MACROD2: variants seen among roughly 807,000 people sequenced by gnomAD.
The protein encoded by MACROD2 is ADP-ribose glycohydrolase MACROD2.
In MACROD2, 36 loss-of-function variants were observed where a neutral mutation model predicts 70.4. That is an observed-to-expected ratio of 0.51 (90% confidence interval 0.39 to 0.68). The LOEUF is 0.68. Ranked by LOEUF, MACROD2 falls within the 30% of genes least tolerant of loss-of-function variation. MACROD2 has a pLI of 0.00. For synonymous variants in MACROD2, 172 were observed against 178.8 expected, an observed-to-expected ratio of 0.96 and a Z score of 0.30; for missense variants, 496 against 538.4, an observed-to-expected ratio of 0.92 and a Z score of 0.78.
At chr20:14,880,507 G>A (rs901471172) in intron 5 of MACROD2, among the ~76,000 whole-genome samples, 3 of 152,162 alleles carry the variant, frequency 2.0e-5, no homozygotes, top group African/African-American at 7.2e-5. Flanking sequence ...GAACTTAAGA[G>A]AGATGAACTG....
intron 4 of MACROD2, among the ~76,000 whole-genome samples, chr20:14,617,976 T>A (rs747887761): frequency 1.3e-5 from 2 of 150,962 alleles, no homozygotes; most frequent in Non-Finnish European, 3.0e-5. Context: ...GTTTCTTCAA[T>A]CTCTCTTCTT....
chr20:15,737,498 A>G (rs2051039760), intron 8 of MACROD2, among the ~76,000 whole-genome samples: 1 of 152,222 alleles, frequency 6.6e-6, no homozygotes, highest in Non-Finnish European at 1.5e-5. Context: ...GGGAAACACC[A>G]ACAAAGTCCC....
intron 5 of MACROD2, among the ~76,000 whole-genome samples, chr20:14,807,816 A>G (rs2072657929): frequency 6.6e-6 from 1 of 152,264 alleles, no homozygotes. Context: ...CAATAGCTGA[A>G]TCAATAAAGC....
intron 6 of MACROD2, among the ~76,000 whole-genome samples, chr20:15,290,608 G>A (rs1488082282): frequency 6.6e-6 from 1 of 152,194 alleles, no homozygotes; most frequent in African/African-American, 2.4e-5. Flanking sequence ...CCATTAAAAT[G>A]AAGGTATTGA....
At chr20:15,988,094 G>A (rs1233706913) in intron 15 of MACROD2, among the ~76,000 whole-genome samples, 1 of 152,114 alleles carries the variant, frequency 6.6e-6, no homozygotes, top group East Asian at 1.9e-4. Flanking sequence ...CAGGGGCATT[G>A]ACAGTTTAAT....
At chr20:15,862,353 A>C (rs1279807382) in intron 8 of MACROD2, among the ~76,000 whole-genome samples, 1 of 152,224 alleles carries the variant, frequency 6.6e-6, no homozygotes, top group Admixed American at 6.5e-5. Context: ...CTCTTTGTTT[A>C]CTGACATACT....
At chr20:14,747,214 C>T (rs956317125) in intron 5 of MACROD2, among the ~76,000 whole-genome samples, 7 of 152,112 alleles carry the variant, frequency 4.6e-5, no homozygotes, top group African/African-American at 1.7e-4. Context: ...TGTCTTCATT[C>T]CTCCAACCTC....
chr20:15,299,325 T>C (rs2077620530), intron 6 of MACROD2, among the ~76,000 whole-genome samples: 1 of 152,228 alleles, frequency 6.6e-6, no homozygotes, highest in Non-Finnish European at 1.5e-5. Flanking sequence ...TAAAATCTCT[T>C]AAGCAGAGAA....
At chr20:15,172,384 G>A (rs947746775) in intron 5 of MACROD2, among the ~76,000 whole-genome samples, 1 of 152,088 alleles carries the variant, frequency 6.6e-6, no homozygotes, top group African/African-American at 2.4e-5. Context: ...TATAAAATTG[G>A]TAAATATTTC....
At chr20:14,869,742 A>AT (rs1280406353) in intron 5 of MACROD2, among the ~76,000 whole-genome samples, 1 of 152,184 alleles carries the variant, frequency 6.6e-6, no homozygotes, top group Non-Finnish European at 1.5e-5. Context: ...AGTATCTGCC[A>AT]TTTGCATAAA....
chr20:15,219,194 G>T (rs965724146), intron 5 of MACROD2, among the ~76,000 whole-genome samples: 3 of 152,342 alleles, frequency 2.0e-5, no homozygotes, highest in East Asian at 1.9e-4. Flanking sequence ...TAATGATGTT[G>T]CATTGGAAAA....
chr20:14,108,454 G>A, intron 3 of MACROD2, among the ~76,000 whole-genome samples: 2 of 144,404 alleles, frequency 1.4e-5, no homozygotes, highest in African/African-American at 2.6e-5. Flanking sequence ...CCAATCAAAA[G>A]ACATAAAGTG....
At chr20:15,017,517 G>A (rs1309742804) in intron 5 of MACROD2, among the ~76,000 whole-genome samples, 3 of 152,112 alleles carry the variant, frequency 2.0e-5, no homozygotes, top group East Asian at 1.9e-4. Flanking sequence ...TCTGGAGGAC[G>A]GTGGTCCTCT....
intron 5 of MACROD2, among the ~76,000 whole-genome samples, chr20:14,972,528 G>A (rs2074701237): frequency 6.6e-6 from 1 of 152,088 alleles, no homozygotes; most frequent in Admixed American, 6.6e-5. Flanking sequence ...TGCTACATAA[G>A]TCTTTATTTA....
At chr20:14,229,187 C>G (rs2081776484) in intron 3 of MACROD2, among the ~76,000 whole-genome samples, 2 of 151,944 alleles carry the variant, frequency 1.3e-5, no homozygotes, top group African/African-American at 2.4e-5. Context: ...AGATACAACA[C>G]CAAAAACACT....
rs1254152435 is a variant in MACROD2, at chr20:14,125,601, T to C, written c.271+39873T>C. Among the ~76,000 whole-genome samples the C allele has an allele frequency of 6.6e-5, 10 of 152,200 alleles. No individual in the cohort carries two copies. The East Asian group carries it at 1.9e-3, about 29-fold the overall frequency. On this transcript the variant is annotated intron_variant, in intron 3 of 17. Coordinates refer to ENST00000684519, the MANE Select transcript of MACROD2 (RefSeq NM_001351661.2). ...CCTGTGTTTTTTCCAGTGTGTAATATATGTACACATACTCTATACATGCAT... is the reference window on the plus strand; with the variant it reads ...CCTGTGTTTTTTCCAGTGTGTAATACATGTACACATACTCTATACATGCAT...
chr20:14,811,395 CT>C (rs2072709118), intron 5 of MACROD2, among the ~76,000 whole-genome samples: 1 of 152,040 alleles, frequency 6.6e-6, no homozygotes, highest in East Asian at 1.9e-4. Flanking sequence ...ATGCAGAAAA[CT>C]GAAACTGGAC....
At chr20:14,193,961 G>A (rs1489744865) in intron 3 of MACROD2, among the ~76,000 whole-genome samples, 1 of 152,164 alleles carries the variant, frequency 6.6e-6, no homozygotes, top group East Asian at 1.9e-4. Flanking sequence ...TTAGGGGACA[G>A]AATTTTATTG....
intron 4 of MACROD2, among the ~76,000 whole-genome samples, chr20:14,621,611 T>G (rs891997642): frequency 6.6e-6 from 1 of 152,154 alleles, no homozygotes; most frequent in Non-Finnish European, 1.5e-5. Flanking sequence ...TTAAATCAGC[T>G]GAACCAGCTC....
Sources: gnomAD v4.1 joint callset for allele counts (sites outside exome capture counted in the v4.1 genomes callset) on GRCh38, gnomAD v4.1.1 for gene constraint, MANE v1.5 for transcripts, NCBI Gene and HGNC (gene_info 2026-07-23, HGNC 2026-07-21) for gene names.